The following UHRF2 variants were observed in gnomAD, a reference collection of about 807,000 sequenced individuals.
UHRF2 encodes ubiquitin like with PHD and ring finger domains 2.
A neutral mutation model predicts 96.8 loss-of-function variants in UHRF2; 23 were observed. The ratio of observed to expected loss-of-function variants is 0.24; its 90% CI spans 0.17 to 0.34. The LOEUF (loss-of-function observed/expected upper bound fraction) is 0.34, where lower values mean the gene tolerates loss of function less well. Ranked by LOEUF, UHRF2 falls within the 10% of genes least tolerant of loss-of-function variation. The probability of loss-of-function intolerance (pLI) is 1.00; values close to 1 mark genes in which losing one functional copy is unlikely to be tolerated. For missense variants in UHRF2, 685 were observed against 981.5 expected, an observed-to-expected ratio of 0.70 and a Z score of 4.04; for synonymous variants, 385 against 332.6, an observed-to-expected ratio of 1.16 and a Z score of -1.72.
At chr9:6,483,078 C>G (rs1824019811) in intron 8 of UHRF2, among the ~76,000 whole-genome samples, 1 of 152,024 alleles carries the variant, frequency 6.6e-6, no homozygotes, top group Non-Finnish European at 1.5e-5. Flanking sequence ...GTAATCTCAG[C>G]ACTTTGGAAG....
chr9:6,469,705 C>CACACATATATACACGTATATACAT (rs1554630050), intron 4 of UHRF2, among the ~76,000 whole-genome samples: 1 of 147,772 alleles, frequency 6.8e-6, no homozygotes, highest in African/African-American at 2.5e-5. Flanking sequence ...TATATACATA[C>CACACATATATACACGTATATACAT]ATATACACAC....
intron 1 of UHRF2, 55 bp from the exon 2 acceptor site, chr9:6,420,857 A>G (rs1819893356): frequency 2.8e-6 from 4 of 1,433,280 alleles, no homozygotes; most frequent in Admixed American, 1.7e-5. Context: ...GCAACTAAAA[A>G]TGTAGTAAGA....
intron 3 of UHRF2, among the ~76,000 whole-genome samples, chr9:6,447,592 TA>T (rs1182022452): frequency 2.0e-5 from 3 of 152,030 alleles, no homozygotes; most frequent in Non-Finnish European, 4.4e-5. Context: ...GAAATGAAAC[TA>T]AAGGTAAATA....
chr9:6,423,157 CA>C (rs1386167042), intron 2 of UHRF2, among the ~76,000 whole-genome samples: 1 of 151,568 alleles, frequency 6.6e-6, no homozygotes, highest in Non-Finnish European at 1.5e-5. Context: ...GGAAAAATGC[CA>C]ACAGATCTAC....
chr9:6,461,237 TAATG>T (rs1822515965), intron 4 of UHRF2, among the ~76,000 whole-genome samples: 2 of 152,294 alleles, frequency 1.3e-5, no homozygotes, highest in Middle Eastern at 3.4e-3. Flanking sequence ...AATTTAAACT[TAATG>T]AAGAGAATTC....
chr9:6,468,813 G>T, intron 4 of UHRF2: 1 of 400,014 alleles, frequency 2.5e-6, no homozygotes, highest in Non-Finnish European at 5.0e-6. Flanking sequence ...AAAAGTGGAT[G>T]GCTAAGGCAT....
chr9:6,478,970 T>TA (rs1275641204), intron 6 of UHRF2, among the ~76,000 whole-genome samples: 1 of 152,232 alleles, frequency 6.6e-6, no homozygotes, highest in Non-Finnish European at 1.5e-5. Flanking sequence ...TTCTCTAAAA[T>TA]ACGCTCTTTC....
intron 8 of UHRF2, among the ~76,000 whole-genome samples, chr9:6,482,429 T>C (rs1422640598): frequency 1.3e-5 from 2 of 152,204 alleles, no homozygotes; most frequent in African/African-American, 4.8e-5. Context: ...CAAATTCTCA[T>C]TGAATGTCGT....
intron 3 of UHRF2, chr9:6,449,260 C>T (rs78602504): frequency 0.037 from 5,583 of 152,320 alleles, 160 homozygotes; most frequent in Admixed American, 0.062. Context: ...TTCTTGGCCT[C>T]CCTCAGCCAG....
intron 1 of UHRF2, among the ~76,000 whole-genome samples, chr9:6,416,535 CTTTTTTTTTTT>C (rs60522189): frequency 1.5e-4 from 10 of 64,934 alleles, no homozygotes; most frequent in Non-Finnish European, 1.9e-4. Flanking sequence ...ATCTCTAAAT[CTTTTTTTTTTT>C]TTTTTTTTTT....
At chr9:6,425,004 T>A (rs550166425) in intron 2 of UHRF2, among the ~76,000 whole-genome samples, 8 of 152,304 alleles carry the variant, frequency 5.3e-5, no homozygotes, top group African/African-American at 1.2e-4. Flanking sequence ...TTAACACTGA[T>A]GTGAACCTTA....
chr9:6,498,494 G>T (rs540373808), intron 12 of UHRF2: 1 of 176,418 alleles, frequency 5.7e-6, no homozygotes, highest in Non-Finnish European at 1.2e-5. Flanking sequence ...ATTTATCCTA[G>T]AGGGCACAGG....
intron 6 of UHRF2, among the ~76,000 whole-genome samples, chr9:6,479,464 T>C (rs10125914): frequency 0.27 from 41,487 of 151,796 alleles, 7,653 homozygotes; most frequent in African/African-American, 0.52. Context: ...CCCCATCCAC[T>C]CCCACCCCCA....
intron 3 of UHRF2, among the ~76,000 whole-genome samples, chr9:6,444,357 T>C (rs1036636192): frequency 2.0e-5 from 3 of 152,228 alleles, no homozygotes; most frequent in Admixed American, 2.0e-4. Context: ...AAGTTAGATA[T>C]GCATTTCATT....
At chr9:6,472,879 A>T (rs1322677878) in intron 4 of UHRF2, among the ~76,000 whole-genome samples, 1 of 152,212 alleles carries the variant, frequency 6.6e-6, no homozygotes. Flanking sequence ...AGGAAAAAAG[A>T]CACATAATTT....
chr9:6,467,859 A>AT (rs2130867871), intron 4 of UHRF2, among the ~76,000 whole-genome samples: 1 of 151,986 alleles, frequency 6.6e-6, no homozygotes, highest in South Asian at 2.1e-4. Flanking sequence ...TTTTTTCCTT[A>AT]TACCCAGTGG....
intron 9 of UHRF2, 129 bp from the exon 10 acceptor site, chr9:6,493,697 T>C (rs898046822): frequency 1.9e-5 from 14 of 735,320 alleles, no homozygotes; most frequent in Non-Finnish European, 2.8e-5. Flanking sequence ...TTTTGCATTA[T>C]TTTGGGAGAT....
intron 1 of UHRF2, among the ~76,000 whole-genome samples, chr9:6,419,911 TTTTA>T (rs1554619324): frequency 6.6e-6 from 1 of 151,946 alleles, no homozygotes; most frequent in African/African-American, 2.4e-5. Flanking sequence ...GGCTACGTTT[TTTTA>T]TTTATTTATT....
rs1816587801 is a variant in UHRF2 at position 6,506,445 on chromosome 9, A to G, written c.*266A>G. ...AGCTCTAGTTGATATCCAAGTTATG[A>G]TTTATTTTGCAACTACCTCAGGACA... On this transcript the variant is annotated 3_prime_UTR_variant, in exon 16 of 16. Transcript: ENST00000276893. 6 of 274,242 alleles carry G rather than the reference A, an allele frequency of 2.2e-5. No homozygotes were observed. Among genetic ancestry groups the G allele is most frequent in the Admixed American group, 1.6e-4 (3 of 19,138 alleles). 17.0% of individuals were successfully genotyped at this position (274,242 alleles called of 1,614,324 possible). A position where few individuals can be genotyped will look rare whatever the true frequency, so the allele number is the denominator to read the frequency against.
Sources: allele counts gnomAD v4.1 joint callset (sites outside exome capture counted in the v4.1 genomes callset), GRCh38; gene constraint gnomAD v4.1.1; transcripts MANE v1.5; gene names NCBI Gene and HGNC (gene_info 2026-07-23, HGNC 2026-07-21).